The following GULP1 variants were observed in gnomAD, a reference collection of about 807,000 sequenced individuals.
GULP1 encodes PTB domain-containing engulfment adapter protein 1.
A neutral mutation model predicts 40.9 loss-of-function variants in GULP1; 19 were observed. That is an observed-to-expected ratio of 0.46 (90% confidence interval 0.32 to 0.68). The LOEUF (loss-of-function observed/expected upper bound fraction) is 0.68, where lower values mean the gene tolerates loss of function less well. Ranked by LOEUF, GULP1 falls within the 30% of genes least tolerant of loss-of-function variation. GULP1 has a pLI of 0.03. For synonymous variants in GULP1, 119 were observed against 117.6 expected (o/e 1.01, Z -0.08); for missense variants, 312 against 362.2 (o/e 0.86, Z 1.12).
At chr2:188,396,925 T>A (rs2051360069) in intron 2 of GULP1, among the ~76,000 whole-genome samples, 1 of 152,146 alleles carries the variant, frequency 6.6e-6, no homozygotes, top group Non-Finnish European at 1.5e-5. Context: ...CACGGCTCCC[T>A]AAATTAGTCT....
chr2:188,548,537 T>A (rs971046902), intron 7 of GULP1, among the ~76,000 whole-genome samples: 5 of 152,046 alleles, frequency 3.3e-5, no homozygotes, highest in African/African-American at 4.8e-5. Context: ...CTGTCAAAAT[T>A]ATAGCAAGGT....
chr2:188,413,151 T>C (rs2054134335), intron 2 of GULP1, among the ~76,000 whole-genome samples: 1 of 152,214 alleles, frequency 6.6e-6, no homozygotes, highest in African/African-American at 2.4e-5. Flanking sequence ...GCTGAAATTT[T>C]CAGAAATAAT....
chr2:188,455,199 A>G (rs566182352), intron 2 of GULP1, among the ~76,000 whole-genome samples: 12 of 152,326 alleles, frequency 7.9e-5, no homozygotes, highest in African/African-American at 2.9e-4. Flanking sequence ...GACAAAATGT[A>G]TTAGTATACC....
chr2:188,497,422 A>C (rs1181508967), intron 4 of GULP1, among the ~76,000 whole-genome samples: 1 of 152,008 alleles, frequency 6.6e-6, no homozygotes, highest in African/African-American at 2.4e-5. Context: ...CCAATATAAA[A>C]TGGAAATATT....
chr2:188,337,591 G>C (rs2042440359), intron 1 of GULP1, among the ~76,000 whole-genome samples: 1 of 151,796 alleles, frequency 6.6e-6, no homozygotes, highest in African/African-American at 2.4e-5. Context: ...GCTACACTTT[G>C]TTACCAGGGA....
chr2:188,349,248 T>A (rs1288729171), intron 1 of GULP1, among the ~76,000 whole-genome samples: 1 of 152,222 alleles, frequency 6.6e-6, no homozygotes, highest in Non-Finnish European at 1.5e-5. Context: ...ACAGTTTCTC[T>A]TGGGTATGAA....
chr2:188,374,199 GA>G (rs1424457525), intron 1 of GULP1, among the ~76,000 whole-genome samples: 1 of 151,920 alleles, frequency 6.6e-6, no homozygotes, highest in Non-Finnish European at 1.5e-5. Context: ...TCATTTTATA[GA>G]AAACTTTTAT....
intron 1 of GULP1, among the ~76,000 whole-genome samples, chr2:188,341,525 C>T (rs753784063): frequency 1.3e-5 from 2 of 152,152 alleles, no homozygotes; most frequent in South Asian, 4.2e-4. Flanking sequence ...ATCCTTGATA[C>T]TGTCTTATTT....
intron 3 of GULP1, among the ~76,000 whole-genome samples, chr2:188,481,726 C>T (rs773328956): frequency 1.3e-5 from 2 of 151,758 alleles, no homozygotes; most frequent in Non-Finnish European, 2.9e-5. Flanking sequence ...TTTACATACT[C>T]CTGAGATGTG....
At chr2:188,528,837 A>G (rs1343925366) in intron 5 of GULP1, among the ~76,000 whole-genome samples, 1 of 152,164 alleles carries the variant, frequency 6.6e-6, no homozygotes, top group African/African-American at 2.4e-5. Context: ...TCTGGTATGA[A>G]TACGTTTTTG....
chr2:188,438,727 C>A (rs1250871628), intron 2 of GULP1, among the ~76,000 whole-genome samples: 2 of 151,318 alleles, frequency 1.3e-5, no homozygotes, highest in East Asian at 3.9e-4. Context: ...CCAAACACAT[C>A]AGTAGTCAAA....
chr2:188,323,412 T>A (rs751167319), intron 1 of GULP1, among the ~76,000 whole-genome samples: 1 of 151,994 alleles, frequency 6.6e-6, no homozygotes, highest in Non-Finnish European at 1.5e-5. Flanking sequence ...TCTTTTATAT[T>A]CTAGGGACTC....
chr2:188,485,803 G>T (rs2061816986), intron 4 of GULP1, among the ~76,000 whole-genome samples: 1 of 152,112 alleles, frequency 6.6e-6, no homozygotes, highest in South Asian at 2.1e-4. Flanking sequence ...CTACAACAGT[G>T]TCTGAAAGAG....
At chr2:188,491,258 G>C (rs1317485741) in intron 4 of GULP1, among the ~76,000 whole-genome samples, 1 of 148,504 alleles carries the variant, frequency 6.7e-6, no homozygotes, top group South Asian at 2.1e-4. Flanking sequence ...AGTTTTGGAG[G>C]AAAAAAAAAC....
chr2:188,587,208 T>C (rs1702571573), intron 10 of GULP1, among the ~76,000 whole-genome samples: 2 of 152,104 alleles, frequency 1.3e-5, no homozygotes, highest in Non-Finnish European at 2.9e-5. Context: ...GTGCATACTT[T>C]AGAACATATG....
chr2:188,483,637 G>T, intron 4 of GULP1, 145 bp downstream of exon 4: 1 of 412,952 alleles, frequency 2.4e-6, no homozygotes, highest in East Asian at 3.7e-5. Context: ...ATTGTGGCAT[G>T]GGAAGTTATT....
At chr2:188,521,280 G>A (rs888088289) in intron 4 of GULP1, among the ~76,000 whole-genome samples, 1 of 152,084 alleles carries the variant, frequency 6.6e-6, no homozygotes, top group Non-Finnish European at 1.5e-5. Flanking sequence ...CTTCTGTTTA[G>A]GAGGTATTAT....
At chr2:188,578,281 T>C (rs1294644437) in intron 9 of GULP1, among the ~76,000 whole-genome samples, 2 of 152,056 alleles carry the variant, frequency 1.3e-5, no homozygotes, top group Admixed American at 1.3e-4. Context: ...AACACTTTTA[T>C]ATTTCTTTTT....
intron 4 of GULP1, among the ~76,000 whole-genome samples, chr2:188,491,179 A>C (rs987455014): frequency 6.6e-6 from 1 of 152,130 alleles, no homozygotes; most frequent in African/African-American, 2.4e-5. Context: ...AAAAGGGTCA[A>C]GCAATAGCAT....
Sources: allele counts gnomAD v4.1 joint callset (sites outside exome capture counted in the v4.1 genomes callset), GRCh38; gene constraint gnomAD v4.1.1; transcripts MANE v1.5; gene names NCBI Gene and HGNC (gene_info 2026-07-23, HGNC 2026-07-21).